Variants in ACTR2 observed in about 807,000 individuals in gnomAD.
ACTR2 encodes the protein actin-related protein 2.
A neutral mutation model predicts 50.2 loss-of-function variants in ACTR2; 5 were observed. The observed-to-expected ratio is 0.10, with a 90% CI of 0.05 to 0.21. ACTR2 has a LOEUF of 0.21. Ranked by LOEUF, ACTR2 falls within the 10% of genes least tolerant of loss-of-function variation. ACTR2 has a pLI of 1.00. For synonymous variants in ACTR2, 140 were observed against 162.9 expected (o/e 0.86, Z 1.07); for missense variants, 180 against 480.6 (o/e 0.37, Z 5.85).
rs964782156 is a variant in ACTR2, at chr2:65,268,960, G to C, written c.*226G>C. ...TCCCTACATAGACTAGAGGGCTAAGGATTCTGTCTGCTGCTTTGTTTCTTC... is the reference window on the plus strand; with the variant it reads ...TCCCTACATAGACTAGAGGGCTAAGCATTCTGTCTGCTGCTTTGTTTCTTC... On this transcript the variant is annotated 3_prime_UTR_variant, in exon 9 of 9. Transcript: ENST00000260641. The C allele has an allele frequency of 1.1e-5, 5 of 449,400 alleles. No individual in the cohort carries two copies. Among genetic ancestry groups the C allele is most frequent in the African/African-American group, 2.0e-5 (1 of 49,670 alleles). The allele number at this position is 449,400 out of a possible 1,614,324, so 27.8% of individuals were successfully genotyped here.
chr2:65,229,778 C>T (rs868222974), intron 1 of ACTR2, among the ~76,000 whole-genome samples: 1 of 137,558 alleles, frequency 7.3e-6, no homozygotes, highest in Non-Finnish European at 1.6e-5. Flanking sequence ...AAAAGAAAAA[C>T]AAAACATATT....
intron 4 of ACTR2, among the ~76,000 whole-genome samples, chr2:65,251,328 A>G (rs1469524928): frequency 2.6e-5 from 4 of 152,038 alleles, no homozygotes; most frequent in Non-Finnish European, 5.9e-5. Context: ...TTAAAGACTT[A>G]TTTTTTAAAA....
Position 65,254,844 on chromosome 2 carries a change from G to A in ACTR2, c.586-701G>A, listed in dbSNP as rs1056715769. ...CCTCATGAGGGGAGATTAAATTAAT[G>A]AGAATTATAATACTCTCATTTTAGG... On this transcript the variant is annotated intron_variant, in intron 5 of 8. Coordinates refer to ENST00000260641, the MANE Select transcript of ACTR2 (RefSeq NM_005722.4). Among the ~76,000 whole-genome samples, 3 of 152,174 alleles carry A rather than the reference G, an allele frequency of 2.0e-5. No individual in the cohort carries two copies. The South Asian group carries it at 6.2e-4, about 31-fold the overall frequency.
intron 3 of ACTR2, among the ~76,000 whole-genome samples, chr2:65,250,672 C>CAAAAAAA (rs368589131): frequency 2.4e-5 from 2 of 84,892 alleles, no homozygotes; most frequent in African/African-American, 5.1e-5. Flanking sequence ...GACTTCATCT[C>CAAAAAAA]AAAAAAAAAA....
At chr2:65,246,100 A>G (rs1671933611) in intron 2 of ACTR2, 2 of 155,750 alleles carry the variant, frequency 1.3e-5, no homozygotes, top group African/African-American at 4.8e-5. Flanking sequence ...TCATTTTGAT[A>G]TTTAGTGCAA....
At chr2:65,241,054 C>CA (rs3836104) in intron 2 of ACTR2, among the ~76,000 whole-genome samples, 2,655 of 149,758 alleles carry the variant, frequency 0.018, 202 homozygotes, top group Admixed American at 0.13. Flanking sequence ...CTCCTGTTAA[C>CA]AAAAAAAATA....
intron 1 of ACTR2, among the ~76,000 whole-genome samples, chr2:65,237,371 C>G (rs1423030860): frequency 6.6e-6 from 1 of 152,084 alleles, no homozygotes; most frequent in African/African-American, 2.4e-5. Flanking sequence ...ATAGCTGGGA[C>G]TATAGCACAT....
Position 65,269,296 on chromosome 2 carries a change from G to A in ACTR2, c.*562G>A, listed in dbSNP as rs1272370715. The A allele has an allele frequency of 6.6e-6, 1 of 151,532 alleles. No individual in the cohort carries two copies. The highest frequency in any genetic ancestry group is 2.4e-5 in the African/African-American group (1 of 41,142). 9.4% of individuals were successfully genotyped at this position (151,532 alleles called of 1,614,324 possible). On this transcript the variant is annotated 3_prime_UTR_variant, in exon 9 of 9. Coordinates refer to ENST00000260641, the MANE Select transcript of ACTR2 (RefSeq NM_005722.4). ...TAGGTTCAGAACTAAAGTGTTTTGGGTGGGTTTTGTTGCGGGGGGGAGGGT... is the reference window on the plus strand; with the variant it reads ...TAGGTTCAGAACTAAAGTGTTTTGGATGGGTTTTGTTGCGGGGGGGAGGGT...
At chr2:65,267,827 A>G (rs992161831) in intron 8 of ACTR2, among the ~76,000 whole-genome samples, 1 of 146,980 alleles carries the variant, frequency 6.8e-6, no homozygotes, top group Non-Finnish European at 1.5e-5. Flanking sequence ...TAGAATCATA[A>G]CAGTATGAGA....
intron 1 of ACTR2, among the ~76,000 whole-genome samples, chr2:65,230,260 A>C (rs1340058798): frequency 2.0e-5 from 3 of 152,094 alleles, no homozygotes; most frequent in Admixed American, 1.3e-4. Flanking sequence ...TTGTTTTGTG[A>C]TTGTGTCAGA....
Position 65,261,913 on chromosome 2 carries a change from T to G in ACTR2, c.881+521T>G, listed in dbSNP as rs1426735068. Among the ~76,000 whole-genome samples, 10 of 152,358 alleles carry G rather than the reference T, an allele frequency of 6.6e-5. 1 individual carries two copies. The South Asian group carries it at 1.9e-3, about 28-fold the overall frequency. On this transcript the variant is annotated intron_variant, in intron 7 of 8. Coordinates refer to ENST00000260641, the MANE Select transcript of ACTR2 (RefSeq NM_005722.4). ...CGCCAGTATTCGTTACCTTTCCTCT[T>G]TTTGATAATAGCCATTCCAACAGAT...
intron 1 of ACTR2, among the ~76,000 whole-genome samples, chr2:65,237,930 C>G (rs1446479268): frequency 2.6e-5 from 4 of 152,096 alleles, no homozygotes. Context: ...GGAGGCCAAG[C>G]TTGCAATGAT....
chr2:65,247,404 C>T (rs1194299040), intron 3 of ACTR2, among the ~76,000 whole-genome samples: 3 of 151,800 alleles, frequency 2.0e-5, no homozygotes, highest in African/African-American at 4.8e-5. Flanking sequence ...CTGGCTAACA[C>T]AGTGAAACTC....
At chr2:65,259,467 C>G (rs954783766) in intron 6 of ACTR2, among the ~76,000 whole-genome samples, 1 of 151,998 alleles carries the variant, frequency 6.6e-6, no homozygotes, top group African/African-American at 2.4e-5. Context: ...GTGGCTCATG[C>G]CTGTAATCCC....
In ACTR2 at chr2:65,262,450, AG is replaced by A. The variant is rs1672286603; in HGVS notation, c.881+1060del. 2.0e-5 allele frequency among the ~76,000 whole-genome samples: 3 copies of A among 148,966 alleles called. No individual in the cohort carries two copies. In the Admixed American group the frequency reaches 2.0e-4, roughly 10 times the overall value. On this transcript the variant is annotated intron_variant, in intron 7 of 8. Coordinates refer to ENST00000260641, the MANE Select transcript of ACTR2 (RefSeq NM_005722.4). ...GAGATGGGGTTTTGCCGTATTGACC[AG>A]GCTGGTCTCGAACTCCTGGCCTCAA... is the stretch of plus-strand genomic sequence containing the variant.
chr2:65,265,362 G>C (rs1672351487), intron 8 of ACTR2, 187 bp downstream of exon 8: 1 of 692,858 alleles, frequency 1.4e-6, no homozygotes, highest in African/African-American at 1.8e-5. Flanking sequence ...CCTCTATAGA[G>C]TTGGTGGATG....
chr2:65,239,669 G>T (rs1418466783), intron 1 of ACTR2, among the ~76,000 whole-genome samples, 183 bp from the exon 2 acceptor site: 1 of 152,208 alleles, frequency 6.6e-6, no homozygotes, highest in Non-Finnish European at 1.5e-5. Context: ...CTGGAAGTAG[G>T]CAATGCCGTG....
At chr2:65,256,890 A>G (rs954166333) in intron 6 of ACTR2, among the ~76,000 whole-genome samples, 1 of 151,824 alleles carries the variant, frequency 6.6e-6, no homozygotes, top group Non-Finnish European at 1.5e-5. Flanking sequence ...AAAAAAAAAA[A>G]AAAAAGTTAA....
chr2:65,267,938 G>A (rs1047201873), intron 8 of ACTR2, among the ~76,000 whole-genome samples: 29 of 120,042 alleles, frequency 2.4e-4, no homozygotes, highest in African/African-American at 8.8e-4. Flanking sequence ...CCAGGTTTAC[G>A]TCATTCTCCT....
Sources: allele counts gnomAD v4.1 joint callset (sites outside exome capture counted in the v4.1 genomes callset), GRCh38; gene constraint gnomAD v4.1.1; transcripts MANE v1.5; gene names NCBI Gene and HGNC (gene_info 2026-07-23, HGNC 2026-07-21).